Variants in PLA2G4F observed in about 807,000 individuals in gnomAD.
PLA2G4F encodes the protein phospholipase A2 group IVF, also known as cytosolic phospholipase A2 zeta.
A neutral mutation model predicts 103.1 loss-of-function variants in PLA2G4F; 105 were observed. The observed-to-expected ratio is 1.02, with a 90% confidence interval of 0.87 to 1.20. PLA2G4F has a LOEUF of 1.20. Among genes scored for constraint, PLA2G4F ranks in the 50% most tolerant of loss-of-function variants. The probability of loss-of-function intolerance (pLI) is 0.00; values close to 1 mark genes in which losing one functional copy is unlikely to be tolerated. For synonymous variants in PLA2G4F, 468 were observed against 441.1 expected (o/e 1.06, Z -0.76); for missense variants, 1,155 against 1,075.9 (o/e 1.07, Z -1.03).
At position 42,140,697 on chromosome 15, in the gene PLA2G4F, C is replaced by T. The variant is rs2048821260; in HGVS notation, c.*1287G>A. Reference sequence around the variant, plus strand: ...TGGAAACCAGAACTAGTCTTCTTTCCAGACTCAGGACAGGTAAGGCTTCCC... The same window carrying T: ...TGGAAACCAGAACTAGTCTTCTTTCTAGACTCAGGACAGGTAAGGCTTCCC... On this transcript the variant is annotated 3_prime_UTR_variant, in exon 20 of 20. Coordinates refer to ENST00000397272, the MANE Select transcript of PLA2G4F (RefSeq NM_213600.4). 1 of 153,038 alleles carries T rather than the reference C, an allele frequency of 6.5e-6. No individual in the cohort carries two copies. Among genetic ancestry groups the T allele is most frequent in the South Asian group, 2.1e-4 (1 of 4,854 alleles). 9.5% of individuals were successfully genotyped at this position (153,038 alleles called of 1,614,324 possible).
At chr15:42,156,261 C>T (rs893334787) in intron 1 of PLA2G4F, among the ~76,000 whole-genome samples, 178 bp downstream of exon 1, 21 of 152,196 alleles carry the variant, frequency 1.4e-4, no homozygotes, top group Non-Finnish European at 2.5e-4. Context: ...ATTTCCTAAT[C>T]GGAGGGAGCT....
intron 16 of PLA2G4F, among the ~76,000 whole-genome samples, chr15:42,145,204 C>A (rs1423659595): frequency 1.3e-5 from 2 of 152,192 alleles, no homozygotes; most frequent in Non-Finnish European, 2.9e-5. Context: ...AAAATGACAT[C>A]TGAGCTGAAC....
In PLA2G4F at chr15:42,139,873, T is replaced by G. The variant is rs934915760; in HGVS notation, c.*2111A>C. On this transcript the variant is annotated 3_prime_UTR_variant, in exon 20 of 20. Transcript: ENST00000397272. Reference sequence around the variant, plus strand: ...TTATCTGAGCACAAGTGGCATTGCCTACACTTCTGTGTGAGAAGGTCCCCG... The same window carrying G: ...TTATCTGAGCACAAGTGGCATTGCCGACACTTCTGTGTGAGAAGGTCCCCG... 4 of 152,378 alleles carry G rather than the reference T, an allele frequency of 2.6e-5. No individual in the cohort carries two copies. The highest frequency in any genetic ancestry group is 9.7e-5 in the African/African-American group (4 of 41,442). The allele number at this position is 152,378 out of a possible 1,614,324, so 9.4% of individuals were successfully genotyped here. A position where few individuals can be genotyped will look rare whatever the true frequency, so the allele number is the denominator to read the frequency against.
chr15:42,146,334 G>T, intron 13 of PLA2G4F, 93 bp from the exon 14 acceptor site: 2 of 1,205,772 alleles, frequency 1.7e-6, no homozygotes, highest in Non-Finnish European at 2.4e-6. Flanking sequence ...GGCGTGGTGT[G>T]CCCACAAGAG....
intron 5 of PLA2G4F, 96 bp downstream of exon 5, chr15:42,153,524 C>T: frequency 1.3e-6 from 2 of 1,551,216 alleles, no homozygotes; most frequent in Non-Finnish European, 1.8e-6. Flanking sequence ...CAGGCCAGGC[C>T]TCCAAGGCCA....
At chr15:42,147,496 T>C in intron 12 of PLA2G4F, 130 bp downstream of exon 12, 2 of 1,386,794 alleles carry the variant, frequency 1.4e-6, no homozygotes, top group Non-Finnish European at 2.0e-6. Context: ...GGACTCAGCC[T>C]CTTCCTGCCC....
At chr15:42,146,320 G>T in intron 13 of PLA2G4F, 79 bp from the exon 14 acceptor site, 1 of 1,333,764 alleles carries the variant, frequency 7.5e-7, no homozygotes. Flanking sequence ...CCGGCACCCT[G>T]CAAGGCGTGG....
In PLA2G4F at chr15:42,156,433, CG is replaced by C. The variant is rs1352269690; in HGVS notation, c.111+5del. 2 of 1,551,752 alleles carry C rather than the reference CG, an allele frequency of 1.3e-6. No individual in the cohort carries two copies. The highest frequency in any genetic ancestry group is 4.9e-5 in the East Asian group (2 of 41,116). On this transcript the variant is annotated splice_donor_5th_base_variant and intron_variant, in intron 1 of 19. Transcript: ENST00000397272. The stretch of plus-strand genomic sequence containing the variant: ...CGGGTTTCCCAGGTAATCTCAGGTA[CG>C]TTACCCGCCAGTGCCTCCACAGAGG...
At chr15:42,156,278 A>AGCTCTAATTT (rs2049013990) in intron 1 of PLA2G4F, among the ~76,000 whole-genome samples, 161 bp downstream of exon 1, 1 of 152,186 alleles carries the variant, frequency 6.6e-6, no homozygotes, top group Non-Finnish European at 1.5e-5. Context: ...AGCTATTTTT[A>AGCTCTAATTT]AGAGCCAAGG....
In PLA2G4F at chr15:42,142,053, C is replaced by T. The variant is rs1361913493; in HGVS notation, c.2481G>A (p.Val827=). 2.5e-6 allele frequency: 4 copies of T among 1,614,072 alleles called. No homozygotes were observed. In the African/African-American group the frequency reaches 4.0e-5, roughly 16 times the overall value. Residue 827 remains valine, a synonymous_variant, in exon 20 of 20, where the codon GTG becomes GTA. Coordinates refer to ENST00000397272, the MANE Select transcript of PLA2G4F (RefSeq NM_213600.4). ...ALSRYNVLNN[V]ETLKCALQLA... ...GCTGGAGGGCGCACTTCAAGGTCTC[C>T]ACGTTGTTCAGGACGTTGTATCGAC...
chr15:42,149,666 A>C, intron 11 of PLA2G4F, 47 bp downstream of exon 11: 3 of 1,609,818 alleles, frequency 1.9e-6, no homozygotes, highest in Non-Finnish European at 2.5e-6. Context: ...AAGAGACTTG[A>C]TTTAGTCCTA....
At chr15:42,153,723 T>A in intron 4 of PLA2G4F, 63 bp from the exon 5 acceptor site, 1 of 1,582,664 alleles carries the variant, frequency 6.3e-7, no homozygotes, top group Admixed American at 1.7e-5. Flanking sequence ...GAGCTGTTCC[T>A]GCCTGCCAGC....
intron 18 of PLA2G4F, 114 bp from the exon 19 acceptor site, chr15:42,142,828 G>T: frequency 9.0e-7 from 1 of 1,114,686 alleles, no homozygotes; most frequent in South Asian, 1.4e-5. Context: ...CTAGCTGAGT[G>T]ACTTCAGGCA....
At chr15:42,142,343 A>T in intron 19 of PLA2G4F, 139 bp from the exon 20 acceptor site, 2 of 1,149,276 alleles carry the variant, frequency 1.7e-6, no homozygotes, top group African/African-American at 1.6e-5. Context: ...CAGCTCTCAG[A>T]CCCCCCAGGA....
chr15:42,146,296 C>G lies in PLA2G4F; in HGVS notation c.1420-55G>C, dbSNP rs180790978. On this transcript the variant is annotated intron_variant, in intron 13 of 19. Transcript: ENST00000397272. ...CCTTTCAGGAGTTCCATTCCCCATC[C>G]CCGTGGCCTGGGGCCGGCACCCTGC... The G allele has an allele frequency of 5.8e-6, 9 of 1,551,828 alleles. No individual in the cohort carries two copies. In the East Asian group the frequency reaches 1.8e-4, roughly 31 times the overall value.
At position 42,150,500 on chromosome 15, in the gene PLA2G4F, A is replaced by G. The variant is rs2048946749; in HGVS notation, c.772-14T>C. The G allele has an allele frequency of 6.2e-7, 1 of 1,608,714 alleles. No individual in the cohort carries two copies. Among genetic ancestry groups the G allele is most frequent in the South Asian group, 1.1e-5 (1 of 89,914 alleles). ...GCTGGGGCCACTCTGTGGAAAAGAA[A>G]ACACCCAAGAAGCTCTCCAGCAGGG... On this transcript the variant is annotated splice_polypyrimidine_tract_variant and intron_variant, in intron 8 of 19. Coordinates refer to ENST00000397272, the MANE Select transcript of PLA2G4F (RefSeq NM_213600.4).
intron 9 of PLA2G4F, 78 bp downstream of exon 9, chr15:42,150,295 T>G: frequency 6.5e-7 from 1 of 1,535,280 alleles, no homozygotes; most frequent in South Asian, 1.2e-5. Flanking sequence ...GCCACCCTCT[T>G]GGGTCCCTCC....
chr15:42,153,771 T>C (rs2048983889), intron 4 of PLA2G4F, 111 bp from the exon 5 acceptor site: 2 of 1,219,690 alleles, frequency 1.6e-6, no homozygotes, highest in Non-Finnish European at 2.3e-6. Context: ...GAGACTGGCA[T>C]TGTGGCTTGT....
At chr15:42,145,739 G>A (rs768148103) in intron 15 of PLA2G4F, 27 bp downstream of exon 15, 4 of 1,613,716 alleles carry the variant, frequency 2.5e-6, no homozygotes, top group Admixed American at 1.7e-5. Flanking sequence ...GCACCTGCCT[G>A]TCCCCAGCCC....
Sources: allele counts gnomAD v4.1 joint callset (sites outside exome capture counted in the v4.1 genomes callset), GRCh38; gene constraint gnomAD v4.1.1; transcripts MANE v1.5; gene names NCBI Gene and HGNC (gene_info 2026-07-23, HGNC 2026-07-21).